The following NRG1 variants were observed in gnomAD, a reference collection of about 807,000 sequenced individuals.
NRG1 encodes the protein pro-neuregulin-1, membrane-bound isoform.
NRG1 carries 18 observed loss-of-function variants against 63.8 expected under a neutral mutation model. The observed-to-expected ratio is 0.28, with a 90% CI of 0.19 to 0.42. The LOEUF is 0.42. Among genes scored for constraint, NRG1 ranks in the 10% least tolerant of loss-of-function variants. NRG1 has a pLI of 1.00. For missense variants in NRG1, 762 were observed against 814.7 expected (o/e 0.94, Z 0.79); for synonymous variants, 302 against 301.3 (o/e 1.00, Z -0.02).
At chr8:32,141,141 TA>T (rs1234320821) in intron 1 of NRG1, among the ~76,000 whole-genome samples, 10 of 152,138 alleles carry the variant, frequency 6.6e-5, no homozygotes, top group African/African-American at 2.2e-4. Context: ...CATATAGGAA[TA>T]AAAAATATGT....
intron 1 of NRG1, among the ~76,000 whole-genome samples, chr8:32,326,180 TTG>T (rs1801987829): frequency 6.6e-6 from 1 of 152,054 alleles, no homozygotes; most frequent in African/African-American, 2.4e-5. Flanking sequence ...CAGCTAATTT[TTG>T]TATTTTTAGT....
intron 1 of NRG1, among the ~76,000 whole-genome samples, chr8:32,237,425 A>T (rs1158962219): frequency 6.6e-6 from 1 of 152,112 alleles, no homozygotes; most frequent in Middle Eastern, 3.4e-3. Flanking sequence ...ATTTTATTAC[A>T]TTCTTTTACA....
chr8:32,363,066 T>C (rs988977154), intron 1 of NRG1, among the ~76,000 whole-genome samples: 1 of 152,174 alleles, frequency 6.6e-6, no homozygotes, highest in Non-Finnish European at 1.5e-5. Context: ...TCTGAGTGAA[T>C]CTTGGTCATT....
chr8:32,499,587 T>C (rs190375523), intron 1 of NRG1, among the ~76,000 whole-genome samples: 73 of 152,250 alleles, frequency 4.8e-4, no homozygotes, highest in African/African-American at 1.7e-3. Flanking sequence ...GGTGGACGGA[T>C]TGCTTGAGCC....
chr8:32,077,069 T>A (rs1826678180), intron 1 of NRG1, among the ~76,000 whole-genome samples: 1 of 152,020 alleles, frequency 6.6e-6, no homozygotes, highest in African/African-American at 2.4e-5. Flanking sequence ...CACTCTCTCT[T>A]TTAAAAAAAA....
intron 1 of NRG1, among the ~76,000 whole-genome samples, chr8:32,507,841 GCATGTAAT>G (rs1828715637): frequency 6.6e-6 from 1 of 152,044 alleles, no homozygotes; most frequent in African/African-American, 2.4e-5. Context: ...GGGATTACAG[GCATGTAAT>G]TACATGCCTG....
chr8:32,452,943 G>A (rs1251156470), intron 1 of NRG1, among the ~76,000 whole-genome samples: 2 of 152,152 alleles, frequency 1.3e-5, no homozygotes, highest in Non-Finnish European at 2.9e-5. Flanking sequence ...AAAGAGGTCA[G>A]TAGGCCAGGT....
chr8:32,095,246 T>C (rs1829749953), intron 1 of NRG1, among the ~76,000 whole-genome samples: 1 of 152,194 alleles, frequency 6.6e-6, no homozygotes, highest in South Asian at 2.1e-4. Context: ...ATGGGTTCAT[T>C]GTTTTCAATA....
At chr8:32,282,717 A>T (rs1391204777) in intron 1 of NRG1, among the ~76,000 whole-genome samples, 2 of 152,208 alleles carry the variant, frequency 1.3e-5, no homozygotes, top group Non-Finnish European at 2.9e-5. Context: ...ACCCTTAAAG[A>T]TCTGACCCAC....
chr8:31,926,327 G>C (rs1031581189), intron 1 of NRG1, among the ~76,000 whole-genome samples: 6 of 151,930 alleles, frequency 3.9e-5, no homozygotes, highest in African/African-American at 1.4e-4. Context: ...TTTCTGTTCA[G>C]CCTGTCTGCC....
At position 32,055,115 on chromosome 8, in the gene NRG1, C is replaced by G. The variant is rs549723062; in HGVS notation, c.37+415684C>G. ...ATATTGGCCAGGCTGGTCTCAAACT[C>G]CTGACCTCAGGTGATCCGCCTGCCT... On this transcript the variant is annotated intron_variant, in intron 1 of 10. Coordinates refer to the NRG1 transcript ENST00000519301. Among the ~76,000 whole-genome samples the G allele has an allele frequency of 2.8e-4, 42 of 151,882 alleles. 1 individual carries two copies. In the South Asian group the frequency reaches 8.7e-3, roughly 32 times the overall value.
intron 1 of NRG1, among the ~76,000 whole-genome samples, chr8:31,826,951 A>T (rs913682313): frequency 2.0e-5 from 3 of 152,186 alleles, no homozygotes; most frequent in Non-Finnish European, 4.4e-5. Flanking sequence ...CCTTCATAAG[A>T]TAATTTTATA....
intron 1 of NRG1, among the ~76,000 whole-genome samples, chr8:31,781,474 A>G (rs13279876): frequency 0.14 from 21,260 of 152,150 alleles, 1,622 homozygotes; most frequent in Admixed American, 0.17. Flanking sequence ...GTGTCTCCCA[A>G]TGGGAACTTG....
At chr8:31,892,969 C>T (rs1179674447) in intron 1 of NRG1, among the ~76,000 whole-genome samples, 7 of 151,816 alleles carry the variant, frequency 4.6e-5, no homozygotes, top group Non-Finnish European at 8.8e-5. Flanking sequence ...GTGGGATTAT[C>T]ACTACTACTT....
chr8:31,973,489 C>T (rs1223894125), intron 1 of NRG1, among the ~76,000 whole-genome samples: 1 of 152,158 alleles, frequency 6.6e-6, no homozygotes, highest in African/African-American at 2.4e-5. Flanking sequence ...CATAGTCCAG[C>T]TCTCTTACAG....
At chr8:32,355,440 CAG>C (rs1326670975) in intron 1 of NRG1, among the ~76,000 whole-genome samples, 2 of 152,048 alleles carry the variant, frequency 1.3e-5, no homozygotes, top group Non-Finnish European at 2.9e-5. Flanking sequence ...GCCTGGGTGA[CAG>C]AGCAAGACTC....
intron 5 of NRG1, among the ~76,000 whole-genome samples, chr8:32,690,770 A>T (rs1001312726): frequency 6.6e-6 from 1 of 151,836 alleles, no homozygotes; most frequent in Non-Finnish European, 1.5e-5. Context: ...GTGACTCTTT[A>T]TCAGGGCTCT....
chr8:32,382,766 A>C (rs1250183491), intron 1 of NRG1, among the ~76,000 whole-genome samples: 1 of 152,180 alleles, frequency 6.6e-6, no homozygotes, highest in Non-Finnish European at 1.5e-5. Flanking sequence ...ATATGACTTC[A>C]GCTGATACAG....
chr8:31,782,005 C>CTTTCACTGCAATTGAAAGGCTT (rs1399803779), intron 1 of NRG1, among the ~76,000 whole-genome samples: 7 of 152,120 alleles, frequency 4.6e-5, no homozygotes, highest in Non-Finnish European at 7.4e-5. Flanking sequence ...TCTCCCAAGG[C>CTTTCACTGCAATTGAAAGGCTT]TTTCACTGCA....
Sources: allele counts gnomAD v4.1 joint callset (sites outside exome capture counted in the v4.1 genomes callset), GRCh38; gene constraint gnomAD v4.1.1; transcripts MANE v1.5; gene names NCBI Gene and HGNC (gene_info 2026-07-23, HGNC 2026-07-21).